Variants in SLC24A2 observed in about 807,000 individuals in gnomAD.
SLC24A2 encodes solute carrier family 24 member 2, also known as sodium/potassium/calcium exchanger 2.
In SLC24A2, 36 loss-of-function variants were observed where a neutral mutation model predicts 62.0. That is an observed-to-expected ratio of 0.58 (90% CI 0.44 to 0.77). The LOEUF (loss-of-function observed/expected upper bound fraction) is 0.77. Ranked by LOEUF, SLC24A2 falls within the 30% of genes least tolerant of loss-of-function variation. The probability of loss-of-function intolerance (pLI) is 0.00; values close to 1 mark genes in which losing one functional copy is unlikely to be tolerated. For synonymous variants in SLC24A2, 358 were observed against 294.0 expected (o/e 1.22, Z -2.23); for missense variants, 846 against 817.9 (o/e 1.03, Z -0.42).
chr9:20,008,104 C>T, the SLC24A2 span, among the ~76,000 whole-genome samples: 425 of 151,794 alleles, frequency 2.8e-3, 1 homozygote, highest in Non-Finnish European at 4.2e-3. Flanking sequence ...CCACATTGGC[C>T]AGGCTGGTCT....
At chr9:19,894,259 G>C in the SLC24A2 span, among the ~76,000 whole-genome samples, 1 of 152,182 alleles carries the variant, frequency 6.6e-6, no homozygotes, top group Non-Finnish European at 1.5e-5. Flanking sequence ...AGGAGAGGAG[G>C]CAGAGTGCCA....
At chr9:19,663,323 C>A (rs1819155836) in intron 2 of SLC24A2, among the ~76,000 whole-genome samples, 1 of 152,172 alleles carries the variant, frequency 6.6e-6, no homozygotes, top group Non-Finnish European at 1.5e-5. Flanking sequence ...CCAGTTCCCA[C>A]AAAGTTCTAG....
At chr9:19,645,870 G>C (rs1818625329) in intron 2 of SLC24A2, among the ~76,000 whole-genome samples, 1 of 152,186 alleles carries the variant, frequency 6.6e-6, no homozygotes, top group Non-Finnish European at 1.5e-5. Flanking sequence ...AGAAGAAAAG[G>C]ATCCCTAGAG....
At chr9:19,967,346 A>G in the SLC24A2 span, 1 of 152,296 alleles carries the variant, frequency 6.6e-6, no homozygotes, top group Admixed American at 6.5e-5. Context: ...TGTATGTGTA[A>G]GTGAACAAAC....
At chr9:19,849,929 T>A in the SLC24A2 span, among the ~76,000 whole-genome samples, 4 of 152,088 alleles carry the variant, frequency 2.6e-5, no homozygotes, top group Admixed American at 2.6e-4. Flanking sequence ...AACTGATACA[T>A]GTGAATAACA....
chr9:20,175,207 G>A, the SLC24A2 span, among the ~76,000 whole-genome samples: 1 of 151,842 alleles, frequency 6.6e-6, no homozygotes, highest in East Asian at 1.9e-4. Context: ...ACATAAGAAT[G>A]ATACAATGGA....
intron 4 of SLC24A2, among the ~76,000 whole-genome samples, chr9:19,611,491 G>T (rs1433162597): frequency 6.6e-6 from 1 of 151,916 alleles, no homozygotes; most frequent in African/African-American, 2.4e-5. Flanking sequence ...GGGGAAAGGC[G>T]GAAGGAGGTA....
chr9:20,071,522 G>A, the SLC24A2 span, among the ~76,000 whole-genome samples: 2 of 152,142 alleles, frequency 1.3e-5, no homozygotes, highest in Non-Finnish European at 2.9e-5. Context: ...ACTGTGGTAG[G>A]ATGAATAATG....
chr9:20,237,325 T>C, the SLC24A2 span, among the ~76,000 whole-genome samples: 8 of 152,172 alleles, frequency 5.3e-5, no homozygotes, highest in African/African-American at 1.9e-4. Context: ...AGGTAGGTCA[T>C]AAAATTCACT....
At chr9:19,726,810 T>A (rs1182651) in intron 2 of SLC24A2, among the ~76,000 whole-genome samples, 83,508 of 152,044 alleles carry the variant, frequency 0.55, 23,115 homozygotes, top group East Asian at 0.79. Flanking sequence ...CCAAGGCATA[T>A]TCAACGTGAT....
the SLC24A2 span, among the ~76,000 whole-genome samples, chr9:20,222,343 C>A: frequency 6.6e-6 from 1 of 151,720 alleles, no homozygotes; most frequent in African/African-American, 2.4e-5. Flanking sequence ...GAAATAAACT[C>A]AAATACAGCA....
At chr9:20,255,477 T>C in the SLC24A2 span, among the ~76,000 whole-genome samples, 3 of 152,208 alleles carry the variant, frequency 2.0e-5, no homozygotes, top group Admixed American at 2.0e-4. Flanking sequence ...ACACAGGACA[T>C]AGCTCATATC....
At chr9:20,137,214 G>A in the SLC24A2 span, among the ~76,000 whole-genome samples, 1 of 152,154 alleles carries the variant, frequency 6.6e-6, no homozygotes. Flanking sequence ...TCTATAATAA[G>A]AGGCACCTAT....
intron 2 of SLC24A2, among the ~76,000 whole-genome samples, chr9:19,678,783 A>G (rs1254648887): frequency 6.6e-6 from 1 of 152,218 alleles, no homozygotes; most frequent in African/African-American, 2.4e-5. Context: ...GAGACTGCCT[A>G]TCTGAGAGAC....
intron 2 of SLC24A2, among the ~76,000 whole-genome samples, chr9:19,763,214 G>A (rs933714177): frequency 2.0e-4 from 31 of 152,294 alleles, no homozygotes; most frequent in African/African-American, 7.0e-4. Context: ...AGGAGTTTTT[G>A]AGCTGAGACA....
intron 8 of SLC24A2, among the ~76,000 whole-genome samples, chr9:19,545,215 A>T (rs191189522): frequency 6.6e-6 from 1 of 151,732 alleles, no homozygotes; most frequent in East Asian, 2.0e-4. Flanking sequence ...TGCTTGATTG[A>T]TTCAGCTATT....
At chr9:19,988,708 G>T in the SLC24A2 span, among the ~76,000 whole-genome samples, 1 of 152,132 alleles carries the variant, frequency 6.6e-6, no homozygotes, top group African/African-American at 2.4e-5. Flanking sequence ...AGGTGGTTCT[G>T]CTTTTGTGGA....
the SLC24A2 span, among the ~76,000 whole-genome samples, chr9:19,833,792 T>C: frequency 5.4e-4 from 83 of 152,378 alleles, 1 homozygote; most frequent in Middle Eastern, 0.024. Flanking sequence ...AGTTGGTCCC[T>C]GACCCCCGAG....
the SLC24A2 span, among the ~76,000 whole-genome samples, chr9:19,852,915 C>A: frequency 5.3e-5 from 8 of 152,106 alleles, no homozygotes; most frequent in Admixed American, 5.2e-4. Context: ...GCAGTATGGT[C>A]ATTTTCATGA....
Sources: allele counts gnomAD v4.1 joint callset (sites outside exome capture counted in the v4.1 genomes callset), GRCh38; gene constraint gnomAD v4.1.1; transcripts MANE v1.5; gene names NCBI Gene and HGNC (gene_info 2026-07-23, HGNC 2026-07-21).